The following FNTB variants were observed in gnomAD, a reference collection of about 807,000 sequenced individuals.
The protein encoded by FNTB is farnesyltransferase, CAAX box, subunit beta.
A neutral mutation model predicts 59.4 loss-of-function variants in FNTB; 27 were observed. The observed-to-expected ratio is 0.45, with a 90% CI of 0.34 to 0.63. FNTB has a LOEUF of 0.63. Among genes scored for constraint, FNTB ranks in the 20% least tolerant of loss-of-function variants. The probability of loss-of-function intolerance (pLI) is 0.02; values close to 1 mark genes in which losing one functional copy is unlikely to be tolerated. For missense variants in FNTB, 449 were observed against 559.6 expected (o/e 0.80, Z 1.99); for synonymous variants, 230 against 220.7 (o/e 1.04, Z -0.37).
Position 65,044,197 on chromosome 14 carries a change from A to G in FNTB, c.823-114A>G, listed in dbSNP as rs1481530009. 1.9e-5 allele frequency: 29 copies of G among 1,567,156 alleles called. No homozygotes were observed. Among genetic ancestry groups the G allele is most frequent in the Non-Finnish European group, 1.4e-5 (16 of 1,153,352 alleles). ...CCAGAGCACCAAAACTAGAGTGCCA[A>G]GAAGCCACAAGATGGGAAACCCTCC... is the stretch of plus-strand genomic sequence containing the variant. On this transcript the variant is annotated intron_variant, in intron 8 of 11. Transcript: ENST00000246166. This position sits in a 1 kb window ranked among gnomAD's most constrained non-coding sequence, Gnocchi z 5.5.
chr14:65,043,937 T>C (rs1030622694), intron 8 of FNTB, among the ~76,000 whole-genome samples: 1 of 151,550 alleles, frequency 6.6e-6, no homozygotes, highest in African/African-American at 2.4e-5. Context: ...AATGAGCTAC[T>C]GGTAGTCTTG....
At chr14:65,040,718 C>T in intron 7 of FNTB, 72 bp from the exon 8 acceptor site, 7 of 1,508,858 alleles carry the variant, frequency 4.6e-6, no homozygotes, top group Non-Finnish European at 6.3e-6. Context: ...TTCTCTGCCA[C>T]CTAGGATGGT....
At chr14:65,037,688 G>A (rs966044270) in intron 7 of FNTB, among the ~76,000 whole-genome samples, 1 of 149,286 alleles carries the variant, frequency 6.7e-6, no homozygotes, top group Non-Finnish European at 1.5e-5. Flanking sequence ...GCTTCCCCAA[G>A]TGCTGGGATT....
chr14:65,038,765 C>A (rs2139616542), intron 7 of FNTB, among the ~76,000 whole-genome samples: 1 of 152,272 alleles, frequency 6.6e-6, no homozygotes, highest in African/African-American at 2.4e-5. Flanking sequence ...TGGTTCGTTT[C>A]CATCTCTTAA....
intron 1 of FNTB, among the ~76,000 whole-genome samples, chr14:64,987,782 A>G (rs895546127): frequency 6.6e-6 from 1 of 152,256 alleles, no homozygotes; most frequent in Non-Finnish European, 1.5e-5. Flanking sequence ...GCCTAGAAGT[A>G]GGATCGAACC....
chr14:65,040,996 A>C, intron 8 of FNTB, 77 bp downstream of exon 8: 1 of 1,568,766 alleles, frequency 6.4e-7, no homozygotes, highest in East Asian at 2.3e-5. Flanking sequence ...TGCAGGCTTC[A>C]GGAGAGTTTG....
intron 9 of FNTB, among the ~76,000 whole-genome samples, chr14:65,048,778 C>G (rs1354944542): frequency 1.3e-5 from 2 of 152,092 alleles, no homozygotes; most frequent in African/African-American, 4.8e-5. Flanking sequence ...TCACTTGAGT[C>G]TGGGAGGCAG....
intron 1 of FNTB, among the ~76,000 whole-genome samples, chr14:64,992,110 TAGAAGGGACTGG>T (rs1888223097): frequency 1.3e-5 from 2 of 152,172 alleles, no homozygotes; most frequent in Admixed American, 6.5e-5. Context: ...ATGCCTCTGA[TAGAAGGGACTGG>T]AGCTCTGCTT....
intron 2 of FNTB, among the ~76,000 whole-genome samples, chr14:65,008,464 G>T (rs946553194): frequency 6.6e-6 from 1 of 152,232 alleles, no homozygotes; most frequent in Admixed American, 6.5e-5. Context: ...TTGGTCTAGT[G>T]GGGGAGGTGG....
chr14:65,056,347 A>G (rs189384193), intron 11 of FNTB, among the ~76,000 whole-genome samples: 3 of 152,304 alleles, frequency 2.0e-5, no homozygotes, highest in African/African-American at 7.2e-5. Context: ...ACAGTGTTGC[A>G]GTGAACGTTG....
chr14:65,042,667 G>A (rs554972615), intron 8 of FNTB, among the ~76,000 whole-genome samples: 33 of 152,346 alleles, frequency 2.2e-4, no homozygotes, highest in African/African-American at 7.5e-4. Context: ...TTTGGGAGAA[G>A]TAGGACCCAT....
chr14:65,024,167 G>A (rs1175766470), intron 4 of FNTB, among the ~76,000 whole-genome samples: 2 of 151,858 alleles, frequency 1.3e-5, no homozygotes, highest in African/African-American at 4.8e-5. Context: ...CTGCAGTTTA[G>A]CAAGATCCAC....
At chr14:65,017,300 A>T (rs912867174) in intron 4 of FNTB, among the ~76,000 whole-genome samples, 4 of 152,042 alleles carry the variant, frequency 2.6e-5, no homozygotes, top group African/African-American at 9.7e-5. Context: ...CACAATCAGG[A>T]TATTTGGAAA....
At chr14:65,053,374 G>C in intron 10 of FNTB, 25 bp downstream of exon 10, 1 of 1,400,986 alleles carries the variant, frequency 7.1e-7, no homozygotes, top group Non-Finnish European at 9.4e-7. Context: ...TCTGGGGAGG[G>C]AAGGGAGAGG....
chr14:64,988,473 G>T (rs889100377), intron 1 of FNTB, among the ~76,000 whole-genome samples: 3 of 145,644 alleles, frequency 2.1e-5, no homozygotes, highest in Admixed American at 7.0e-5. Context: ...TTGAGATGGG[G>T]TCTCGCCCTG....
intron 4 of FNTB, among the ~76,000 whole-genome samples, chr14:65,025,518 T>A (rs2061962681): frequency 1.3e-5 from 2 of 152,158 alleles, no homozygotes; most frequent in East Asian, 3.9e-4. Flanking sequence ...TAATTGCTGT[T>A]AAAAATGTGT....
rs563468928 is a variant in FNTB, at chr14:65,031,979, C to CGTGTGTGTGTGTGTGT, written c.606-606_606-591dup. On this transcript the variant is annotated intron_variant, in intron 6 of 11. Coordinates refer to ENST00000246166, the MANE Select transcript of FNTB (RefSeq NM_002028.4). The surrounding 1 kb of genome is among the most constrained non-coding windows in gnomAD (Gnocchi z 4.6). The stretch of plus-strand genomic sequence containing the variant: ...ATAGACGTGCGCCTTTTTCATTTAA[C>CGTGTGTGTGTGTGTGT]GTGTGTGTGTGTGTGTGTGTGTGTG... 3.3e-4 allele frequency among the ~76,000 whole-genome samples: 46 copies of CGTGTGTGTGTGTGTGT among 141,286 alleles called. No homozygotes were observed. Among genetic ancestry groups the CGTGTGTGTGTGTGTGT allele is most frequent in the Middle Eastern group, 3.5e-3 (1 of 284 alleles). 92.7% of individuals were successfully genotyped at this position (141,286 alleles called of 152,430 possible).
rs185705208 is a variant in FNTB at position 65,061,837 on chromosome 14, C to G, written c.*525C>G. On this transcript the variant is annotated 3_prime_UTR_variant, in exon 12 of 12. Coordinates refer to ENST00000246166, the MANE Select transcript of FNTB (RefSeq NM_002028.4). ...TCTGCCTCTCGACTTGCACCCTGGT[C>G]ATTTGTAAGGGAAAAGAGCTGGAGG... 6.4e-6 allele frequency: 1 copy of G among 155,254 alleles called. No homozygotes were observed. The highest frequency in any genetic ancestry group is 1.9e-4 in the East Asian group (1 of 5,328). 9.6% of individuals were successfully genotyped at this position (155,254 alleles called of 1,614,324 possible). A position where few individuals can be genotyped will look rare whatever the true frequency, so the allele number is the denominator to read the frequency against.
Position 65,044,511 on chromosome 14 carries a change from C to G in FNTB, c.955+68C>G. 2 of 1,551,108 alleles carry G rather than the reference C, an allele frequency of 1.3e-6. No homozygotes were observed. Among genetic ancestry groups the G allele is most frequent in the Non-Finnish European group, 1.7e-6 (2 of 1,154,170 alleles). On this transcript the variant is annotated intron_variant, in intron 9 of 11. Coordinates refer to ENST00000246166, the MANE Select transcript of FNTB (RefSeq NM_002028.4). The surrounding 1 kb of genome is among the most constrained non-coding windows in gnomAD (Gnocchi z 5.5). ...TCCACTACTCACAAAGTCTGGAAGC[C>G]CAGCGTGCTTTTTTAGAGGGGTTGA...
Sources: allele counts gnomAD v4.1 joint callset (sites outside exome capture counted in the v4.1 genomes callset), GRCh38; gene constraint gnomAD v4.1.1; non-coding constraint Gnocchi (gnomAD v3.1); transcripts MANE v1.5; gene names NCBI Gene and HGNC (gene_info 2026-07-23, HGNC 2026-07-21).